The following MECOM variants were observed in gnomAD, a reference collection of about 807,000 sequenced individuals.
The protein encoded by MECOM is MDS1 and EVI1 complex locus, also known as histone-lysine N-methyltransferase MECOM.
Under a neutral mutation model 116.3 loss-of-function variants are expected in MECOM, and 13 were observed. The ratio of observed to expected loss-of-function variants is 0.11; its 90% CI spans 0.07 to 0.18. The LOEUF (loss-of-function observed/expected upper bound fraction) is 0.18, where lower values mean the gene tolerates loss of function less well. Among genes scored for constraint, MECOM ranks in the 10% least tolerant of loss-of-function variants. The probability of loss-of-function intolerance (pLI) is 1.00; values close to 1 mark genes in which losing one functional copy is unlikely to be tolerated. For missense variants in MECOM, 1,299 were observed against 1,509.0 expected, an observed-to-expected ratio of 0.86 and a Z score of 2.31; for synonymous variants, 528 against 535.2, an observed-to-expected ratio of 0.99 and a Z score of 0.19.
At chr3:169,496,701 T>C (rs1007078238) in intron 1 of MECOM, among the ~76,000 whole-genome samples, 52 of 152,232 alleles carry the variant, frequency 3.4e-4, no homozygotes, top group African/African-American at 1.3e-3. Context: ...CAGAGCATGG[T>C]TGGACCTAAG....
chr3:169,092,983 G>C lies in MECOM; in HGVS notation c.3139C>G (p.Gln1047Glu), dbSNP rs202155135. 2 of 1,613,750 alleles carry C rather than the reference G, an allele frequency of 1.2e-6. No individual in the cohort carries two copies. Among genetic ancestry groups the C allele is most frequent in the African/African-American group, 2.7e-5 (2 of 75,020 alleles). ...NFIGNSNHGSQSPRNVEERMN... is the reference protein window; with the variant it reads ...NFIGNSNHGSESPRNVEERMN... ...CTCTCCTCCACATTCCTGGGAGATT[G>C]GCTGCCATGGTTGCTGTTCCCAATG... Residue 1047 changes from glutamine (Q) to glutamate (E), a missense_variant, in exon 14 of 17, where the codon CAA (glutamine) becomes GAA (glutamate). This residue lies in a region of MECOM where 273 missense variants were observed against 289.3 expected (regional missense o/e 0.94). Transcript: ENST00000651503.
At chr3:169,172,232 C>T (rs1744524469) in intron 2 of MECOM, among the ~76,000 whole-genome samples, 1 of 151,786 alleles carries the variant, frequency 6.6e-6, no homozygotes, top group African/African-American at 2.4e-5. Context: ...TATAATCATG[C>T]TATCTCCAAT....
At chr3:169,334,160 A>G (rs897368594) in intron 2 of MECOM, among the ~76,000 whole-genome samples, 1 of 152,134 alleles carries the variant, frequency 6.6e-6, no homozygotes, top group Non-Finnish European at 1.5e-5. Flanking sequence ...ATTAACCCTA[A>G]TATATCCAGT....
At chr3:169,580,553 G>A (rs1180218558) in intron 1 of MECOM, among the ~76,000 whole-genome samples, 4 of 152,124 alleles carry the variant, frequency 2.6e-5, no homozygotes, top group African/African-American at 9.7e-5. Flanking sequence ...GGCCCAAAAA[G>A]GTTTAGAACT....
intron 1 of MECOM, among the ~76,000 whole-genome samples, chr3:169,633,633 A>G (rs956264826): frequency 1.3e-5 from 2 of 152,176 alleles, no homozygotes; most frequent in African/African-American, 4.8e-5. Flanking sequence ...CTCTGTGTCG[A>G]TCAACCACTG....
intron 9 of MECOM, among the ~76,000 whole-genome samples, chr3:169,110,873 C>T (rs369769508): frequency 4.6e-5 from 7 of 152,248 alleles, no homozygotes; most frequent in African/African-American, 1.4e-4. Flanking sequence ...CTCCCACAGG[C>T]GTGTTTGTGA....
chr3:169,470,691 A>T (rs1749083584), intron 1 of MECOM, among the ~76,000 whole-genome samples: 1 of 152,180 alleles, frequency 6.6e-6, no homozygotes, highest in African/African-American at 2.4e-5. Context: ...TAGTAAGTCA[A>T]AACGGGAAGA....
intron 2 of MECOM, among the ~76,000 whole-genome samples, chr3:169,267,036 A>AC (rs1337285498): frequency 6.6e-6 from 1 of 152,232 alleles, no homozygotes; most frequent in African/African-American, 2.4e-5. Flanking sequence ...AAGGGGACTG[A>AC]CTTATGGACA....
intron 2 of MECOM, among the ~76,000 whole-genome samples, chr3:169,270,883 A>T (rs928033592): frequency 1.3e-5 from 2 of 152,222 alleles, no homozygotes; most frequent in Non-Finnish European, 2.9e-5. Flanking sequence ...AAGAAAAGTG[A>T]TTAGCAGAGC....
intron 1 of MECOM, among the ~76,000 whole-genome samples, chr3:169,561,506 A>C (rs919335875): frequency 6.6e-6 from 1 of 152,216 alleles, no homozygotes; most frequent in Admixed American, 6.5e-5. Context: ...AGTTGGTCCC[A>C]TTTAAATAAA....
At chr3:169,577,581 A>C (rs917304354) in intron 1 of MECOM, among the ~76,000 whole-genome samples, 10 of 152,200 alleles carry the variant, frequency 6.6e-5, no homozygotes, top group Middle Eastern at 3.4e-3. Context: ...AAAAGACCAG[A>C]CTCATAGTGT....
intron 2 of MECOM, among the ~76,000 whole-genome samples, chr3:169,183,553 C>A (rs1316000308): frequency 6.6e-6 from 1 of 152,064 alleles, no homozygotes; most frequent in African/African-American, 2.4e-5. Flanking sequence ...TGTTCTTTGG[C>A]TTCACCATTG....
In MECOM at chr3:169,089,112, T is replaced by C; in HGVS notation, c.3473A>G (p.Lys1158Arg). ...TTGATTATCTTCCATTTTCCTCATT[T>C]TGAGGCTATCTGTGAAGTGCCTTAT... ...DHIRHFTDSL[K>R]MRKMEDNQYS... The change falls in exon 16 of 17, where the codon AAA becomes AGA. Residue 1158 changes from lysine (K) to arginine (R), a missense_variant. Lys to Arg is a conservative substitution (Grantham distance 26). Coordinates refer to ENST00000651503, the MANE Select transcript of MECOM (RefSeq NM_004991.4). 6.2e-7 allele frequency: 1 copy of C among 1,610,216 alleles called. No homozygotes were observed. The highest frequency in any genetic ancestry group is 8.5e-7 in the Non-Finnish European group (1 of 1,178,270).
At chr3:169,085,330 C>G (rs1717324943) in intron 16 of MECOM, among the ~76,000 whole-genome samples, 1 of 152,106 alleles carries the variant, frequency 6.6e-6, no homozygotes, top group Admixed American at 6.6e-5. Context: ...GTCTCCTGTT[C>G]AACTATAAAT....
At chr3:169,528,484 TAA>T (rs1284475080) in intron 1 of MECOM, among the ~76,000 whole-genome samples, 2 of 152,246 alleles carry the variant, frequency 1.3e-5, no homozygotes, top group Non-Finnish European at 2.9e-5. Context: ...ATTTGAATCA[TAA>T]GTCTCCTTTA....
intron 1 of MECOM, among the ~76,000 whole-genome samples, chr3:169,425,852 G>C (rs1255870673): frequency 6.6e-6 from 1 of 152,098 alleles, no homozygotes; most frequent in African/African-American, 2.4e-5. Context: ...CTACAACATG[G>C]GAAAATGTTT....
At chr3:169,348,597 C>A (rs567023463) in intron 2 of MECOM, among the ~76,000 whole-genome samples, 1 of 152,058 alleles carries the variant, frequency 6.6e-6, no homozygotes, top group South Asian at 2.1e-4. Flanking sequence ...GGTATTAACA[C>A]TGTAATTACT....
chr3:169,116,767 C>G (rs1490012767), intron 7 of MECOM, 28 bp from the exon 8 acceptor site: 1 of 1,547,946 alleles, frequency 6.5e-7, no homozygotes, highest in Non-Finnish European at 8.7e-7. Context: ...AAAAGAATCT[C>G]AGGCTTTATG....
intron 1 of MECOM, among the ~76,000 whole-genome samples, chr3:169,559,471 A>G (rs896599392): frequency 5.9e-5 from 9 of 152,226 alleles, no homozygotes; most frequent in Non-Finnish European, 1.2e-4. Flanking sequence ...TAGGCATTCT[A>G]CTATACGTCT....
Sources: allele counts gnomAD v4.1 joint callset (sites outside exome capture counted in the v4.1 genomes callset), GRCh38; gene constraint gnomAD v4.1.1; regional missense constraint gnomAD v4.1.1; transcripts MANE v1.5; gene names NCBI Gene and HGNC (gene_info 2026-07-23, HGNC 2026-07-21).